The following NHSL1 variants were observed in gnomAD, a reference collection of about 807,000 sequenced individuals.
NHSL1 encodes the protein NHS like 1, also known as NHS-like protein 1.
Under a neutral mutation model 95.0 loss-of-function variants are expected in NHSL1, and 48 were observed. The observed-to-expected ratio is 0.51, with a 90% confidence interval of 0.40 to 0.64. The LOEUF is 0.64. Among genes scored for constraint, NHSL1 ranks in the 30% least tolerant of loss-of-function variants. The probability of loss-of-function intolerance (pLI) is 0.00; values close to 1 mark genes in which losing one functional copy is unlikely to be tolerated. For missense variants in NHSL1, 1,971 were observed against 2,077.7 expected (o/e 0.95, Z 1.00); for synonymous variants, 783 against 833.9 (o/e 0.94, Z 1.05).
At chr6:138,560,574 T>C (rs1268136359) in intron 1 of NHSL1, among the ~76,000 whole-genome samples, 2 of 152,216 alleles carry the variant, frequency 1.3e-5, no homozygotes, top group East Asian at 3.8e-4. Context: ...AAAGTTCTTT[T>C]TCCAGGAAGT....
chr6:138,426,249 T>C (rs759052827), intron 7 of NHSL1, among the ~76,000 whole-genome samples: 5 of 152,218 alleles, frequency 3.3e-5, no homozygotes, highest in Non-Finnish European at 7.3e-5. Context: ...GAGTATGATA[T>C]CTGTACACAC....
chr6:138,650,303 G>A (rs1414436115), intron 1 of NHSL1: 2 of 740,136 alleles, frequency 2.7e-6, no homozygotes, highest in Non-Finnish European at 4.9e-6. Context: ...ACATACTCAG[G>A]TACTTCCAGC....
Position 138,496,261 on chromosome 6 carries a change from G to C in NHSL1, c.169C>G (p.Leu57Val). 6.4e-7 allele frequency: 1 copy of C among 1,550,960 alleles called. No homozygotes were observed. Among genetic ancestry groups the C allele is most frequent in the Non-Finnish European group, 8.7e-7 (1 of 1,146,812 alleles). The change falls in exon 2 of 8, where the codon CTG (leucine) becomes GTG (valine). Residue 57 changes from leucine to valine, a missense_variant. Leu to Val is a conservative substitution (Grantham distance 32, BLOSUM62 1). Around this residue, in one of 3 missense-constraint regions of NHSL1, gnomAD observed 1,602 missense variants for 1,654.5 expected, o/e 0.97. Coordinates refer to ENST00000343505, the MANE Select transcript of NHSL1 (RefSeq NM_001144060.2). Reference sequence around the variant, plus strand: ...AGGTTGAGCTTGGCTTGGCGGTGCAGGTCCTCAACACAGGGGGGTCTTGTG... The same window carrying C: ...AGGTTGAGCTTGGCTTGGCGGTGCACGTCCTCAACACAGGGGGGTCTTGTG... ...PTTRPPCVED[L>V]HRQAKLNLKS...
intron 1 of NHSL1, among the ~76,000 whole-genome samples, chr6:138,551,295 A>C (rs538321210): frequency 2.0e-5 from 3 of 152,320 alleles, no homozygotes; most frequent in African/African-American, 7.2e-5. Flanking sequence ...TCAGACAGGC[A>C]ATGCTTATTT....
At chr6:138,500,368 G>A (rs2128290469), upstream of NHSL1, among the ~76,000 whole-genome samples, 1 of 152,184 alleles carries the variant, frequency 6.6e-6, no homozygotes, top group South Asian at 2.1e-4. Context: ...CAGAAACAGA[G>A]TATAAGAAGG....
intron 1 of NHSL1, among the ~76,000 whole-genome samples, chr6:138,530,697 A>G (rs892349498): frequency 6.6e-6 from 1 of 152,246 alleles, no homozygotes; most frequent in Non-Finnish European, 1.5e-5. Context: ...CAAATATTGT[A>G]TGTTCTCACT....
chr6:138,506,709 A>T (rs1780980213), intron 1 of NHSL1, among the ~76,000 whole-genome samples: 1 of 152,224 alleles, frequency 6.6e-6, no homozygotes, highest in Non-Finnish European at 1.5e-5. Flanking sequence ...TGATAGGAGT[A>T]GCTGGAAGAA....
At chr6:138,642,715 T>C (rs1312372077) in intron 1 of NHSL1, among the ~76,000 whole-genome samples, 1 of 152,058 alleles carries the variant, frequency 6.6e-6, no homozygotes, top group East Asian at 1.9e-4. Flanking sequence ...GTCAACAATG[T>C]AAAGACTAGA....
chr6:138,663,134 T>C (rs1201467691), intron 1 of NHSL1, among the ~76,000 whole-genome samples: 1 of 151,878 alleles, frequency 6.6e-6, no homozygotes, highest in Non-Finnish European at 1.5e-5. Context: ...TATTTCCCTG[T>C]AGTGGAATAC....
At chr6:138,469,623 G>A (rs1002022609) in intron 3 of NHSL1, among the ~76,000 whole-genome samples, 2 of 152,048 alleles carry the variant, frequency 1.3e-5, no homozygotes, top group African/African-American at 4.8e-5. Context: ...TACTCGGGAG[G>A]CTGAGGCAGG....
intron 1 of NHSL1, among the ~76,000 whole-genome samples, chr6:138,651,801 G>A (rs531255105): frequency 6.6e-6 from 1 of 152,012 alleles, no homozygotes. Context: ...ATCACAATAG[G>A]TATCAGATTA....
chr6:138,469,715 C>G (rs1778630999), intron 3 of NHSL1, among the ~76,000 whole-genome samples: 2 of 152,100 alleles, frequency 1.3e-5, no homozygotes, highest in Admixed American at 1.3e-4. Flanking sequence ...ACAGACTCAA[C>G]AGAGTGAGAT....
chr6:138,461,358 A>G (rs1777983428), intron 3 of NHSL1, among the ~76,000 whole-genome samples: 1 of 152,264 alleles, frequency 6.6e-6, no homozygotes. Context: ...GCTACAGAGT[A>G]GCGGGGGTAC....
rs749979590 is a variant in NHSL1, at chr6:138,432,492, C to G, written c.1853G>C (p.Gly618Ala). The change falls in exon 6 of 8, where the codon GGA becomes GCA. Residue 618 changes from glycine (G) to alanine (A), a missense_variant. Transcript: ENST00000343505. This position sits in a 1 kb window ranked among gnomAD's most constrained non-coding sequence, Gnocchi z 4.4. ...ACTGCTATTGCACAGATTCCCAGAT[C>G]CATGTCCAGAGTCAGTGTGCACAGA... ...CASVHTDSGH[G>A]SGNLCNSSDG... The G allele has an allele frequency of 6.4e-7, 1 of 1,552,138 alleles. No individual in the cohort carries two copies. The highest frequency in any genetic ancestry group is 1.4e-5 in the African/African-American group (1 of 73,024).
intron 1 of NHSL1, among the ~76,000 whole-genome samples, chr6:138,561,951 T>C (rs1488912226): frequency 1.3e-5 from 2 of 152,246 alleles, no homozygotes; most frequent in African/African-American, 2.4e-5. Flanking sequence ...TTAATGTCTA[T>C]GATATCTACT....
chr6:138,529,395 A>G (rs913224840), intron 1 of NHSL1, among the ~76,000 whole-genome samples: 1 of 152,228 alleles, frequency 6.6e-6, no homozygotes, highest in Non-Finnish European at 1.5e-5. Context: ...AGTTTTCTAC[A>G]GCCTTTCTAA....
intron 3 of NHSL1, among the ~76,000 whole-genome samples, chr6:138,453,117 G>A (rs1346635423): frequency 2.6e-5 from 4 of 151,886 alleles, no homozygotes; most frequent in Admixed American, 6.6e-5. Flanking sequence ...TGGGATTACA[G>A]GCACGTGCCA....
chr6:138,527,028 T>C (rs1277927371), intron 1 of NHSL1, among the ~76,000 whole-genome samples: 1 of 152,206 alleles, frequency 6.6e-6, no homozygotes, highest in Non-Finnish European at 1.5e-5. Flanking sequence ...TACCCTGTCA[T>C]GTGTCTAACA....
chr6:138,479,932 A>G (rs1426640958), intron 2 of NHSL1, among the ~76,000 whole-genome samples: 1 of 152,220 alleles, frequency 6.6e-6, no homozygotes, highest in African/African-American at 2.4e-5. Context: ...ATAGATGGTT[A>G]CTAAGTATGA....
Sources: gnomAD v4.1 joint callset for allele counts (sites outside exome capture counted in the v4.1 genomes callset) on GRCh38, gnomAD v4.1.1 for gene constraint, gnomAD v4.1.1 regional missense constraint, Gnocchi (gnomAD v3.1) non-coding constraint, MANE v1.5 for transcripts, NCBI Gene and HGNC (gene_info 2026-07-23, HGNC 2026-07-21) for gene names.